Variants in ZIM2 observed in about 807,000 individuals in gnomAD.
ZIM2 encodes zinc finger imprinted 2, also known as zinc finger protein 656.
Under a neutral mutation model 38.6 loss-of-function variants are expected in ZIM2, and 14 were observed. The observed-to-expected ratio is 0.36, with a 90% CI of 0.24 to 0.57. The LOEUF (loss-of-function observed/expected upper bound fraction) is 0.57. Ranked by LOEUF, ZIM2 falls within the 20% of genes least tolerant of loss-of-function variation. ZIM2 has a pLI of 0.81. For missense variants in ZIM2, 680 were observed against 695.1 expected (o/e 0.98, Z 0.24); for synonymous variants, 247 against 245.8 (o/e 1.00, Z -0.04).
chr19:56,823,806 C>T (rs1279043945), intron 4 of ZIM2, 127 bp from the exon 5 acceptor site: 4 of 1,170,316 alleles, frequency 3.4e-6, no homozygotes, highest in Non-Finnish European at 5.0e-6. Context: ...CCTGACATTT[C>T]TGAGTTCAAA....
At chr19:56,813,896 A>C (rs1395180198) in intron 9 of ZIM2, 1 of 1,614,134 alleles carries the variant, frequency 6.2e-7, no homozygotes, top group Non-Finnish European at 8.5e-7. Flanking sequence ...GCTGTGCTGG[A>C]AGTGAAGGTT....
rs199700994 is a variant in ZIM2, at chr19:56,817,433, G to A, written c.490+313C>T. ...GACATTCTGGGGAATCTCTGTGACC[G>A]GTCGCTTGACTCCCTTGCTCTTCCC... On this transcript the variant is annotated intron_variant, in intron 9 of 12. Transcript: ENST00000629319. 144 of 1,613,972 alleles carry A rather than the reference G, an allele frequency of 8.9e-5. No homozygotes were observed. In the Middle Eastern group the frequency reaches 3.5e-3, roughly 39 times the overall value.
At chr19:56,836,948 T>C (rs1601294038) in intron 1 of ZIM2, among the ~76,000 whole-genome samples, 1 of 128,122 alleles carries the variant, frequency 7.8e-6, no homozygotes, top group East Asian at 2.4e-4. Context: ...CCAGCCTGGG[T>C]GAGAGGGCCA....
chr19:56,795,659 A>C (rs1405258997), intron 9 of ZIM2, among the ~76,000 whole-genome samples: 1 of 152,014 alleles, frequency 6.6e-6, no homozygotes, highest in Non-Finnish European at 1.5e-5. Context: ...GCGACGTAGG[A>C]GGGCGCTCCT....
At chr19:56,834,904 G>T (rs2061935495) in intron 2 of ZIM2, among the ~76,000 whole-genome samples, 1 of 152,294 alleles carries the variant, frequency 6.6e-6, no homozygotes, top group South Asian at 2.1e-4. Flanking sequence ...AGCCTGGCAT[G>T]ATCCTGTCCT....
At chr19:56,779,951 C>G (rs1181517744) in intron 11 of ZIM2, among the ~76,000 whole-genome samples, 4 of 152,214 alleles carry the variant, frequency 2.6e-5, no homozygotes, top group African/African-American at 7.2e-5. Context: ...GCTCCTCCCC[C>G]TCCCTTAGTT....
intron 2 of ZIM2, among the ~76,000 whole-genome samples, chr19:56,829,670 G>A (rs1430935916): frequency 1.3e-5 from 2 of 152,202 alleles, no homozygotes; most frequent in African/African-American, 4.8e-5. Context: ...CTTCCTGGCC[G>A]AGTGGCCCAA....
At chr19:56,816,092 AG>A in intron 9 of ZIM2, 1 of 1,605,380 alleles carries the variant, frequency 6.2e-7, no homozygotes, top group Non-Finnish European at 8.5e-7. Flanking sequence ...GCTTCCACAG[AG>A]GCTAAGCTAT....
At chr19:56,796,830 G>A (rs892233777) in intron 9 of ZIM2, among the ~76,000 whole-genome samples, 16 of 152,336 alleles carry the variant, frequency 1.1e-4, no homozygotes, top group Middle Eastern at 3.4e-3. Context: ...TGGTGAAAAA[G>A]GCAAGTTTAT....
intron 11 of ZIM2, among the ~76,000 whole-genome samples, chr19:56,779,864 T>C (rs770990836): frequency 9.2e-5 from 14 of 152,136 alleles, no homozygotes; most frequent in Non-Finnish European, 2.1e-4. Context: ...GAATCTGACA[T>C]AGCTGCTCAA....
chr19:56,782,939 T>G (rs529056149), intron 10 of ZIM2, among the ~76,000 whole-genome samples: 2 of 152,230 alleles, frequency 1.3e-5, no homozygotes, highest in East Asian at 3.9e-4. Flanking sequence ...CCTATTGTGC[T>G]ATCAATAGTA....
In ZIM2 at chr19:56,799,204, C is replaced by T. The variant is rs147274391; in HGVS notation, c.491-9253G>A. 2.3e-3 allele frequency: 345 copies of T among 152,224 alleles called. 4 individuals carry two copies. Among genetic ancestry groups the T allele is most frequent in the African/African-American group, 7.5e-3 (310 of 41,520 alleles). 9.4% of individuals were successfully genotyped at this position (152,224 alleles called of 1,614,324 possible). Reference sequence around the variant, plus strand: ...CAAAAACATGGAATCAACCTAAATGCTCATCAATGACAGACTTGATAAAGG... The same window carrying T: ...CAAAAACATGGAATCAACCTAAATGTTCATCAATGACAGACTTGATAAAGG... On this transcript the variant is annotated intron_variant, in intron 9 of 12. Coordinates refer to ENST00000629319, the MANE Select transcript of ZIM2 (RefSeq NM_001387356.1).
rs1555788995 is a variant in ZIM2, at chr19:56,790,671, T to TTCCA, written c.491-721_491-720insTGGA. Among the ~76,000 whole-genome samples the TTCCA allele has an allele frequency of 4.6e-5, 7 of 152,322 alleles. No homozygotes were observed. In the East Asian group the frequency reaches 1.3e-3, roughly 29 times the overall value. The stretch of plus-strand genomic sequence containing the variant: ...TATAATTGTTCCATTTTATAACTAG[T>TTCCA]TGTTAATATCGTACTGTGCCTAATT... On this transcript the variant is annotated intron_variant, in intron 9 of 12. Transcript: ENST00000629319.
intron 9 of ZIM2, chr19:56,812,507 G>T (rs529608384): frequency 9.6e-5 from 95 of 985,430 alleles, no homozygotes; most frequent in Non-Finnish European, 1.1e-4. Flanking sequence ...AAGATCTAAG[G>T]ATACTAGCTC....
At position 56,823,665 on chromosome 19, in the gene ZIM2, C is replaced by T; in HGVS notation, c.31G>A (p.Asp11Asn). The T allele has an allele frequency of 6.2e-7, 1 of 1,614,154 alleles. No homozygotes were observed. Residue 11 changes from aspartate to asparagine, a missense_variant, in exon 5 of 13, where the codon GAC becomes AAC. Transcript: ENST00000629319. ...GTCATGTCGTCGTCGCTGGTCACGT[C>T]ACTGTTGTTGTCGTCTAAGAGGACA... is the stretch of plus-strand genomic sequence containing the variant. MYQPEDDNNS[D>N]VTSDDDMTRN...
intron 2 of ZIM2, among the ~76,000 whole-genome samples, chr19:56,826,949 A>G (rs537850759): frequency 6.6e-6 from 1 of 152,346 alleles, no homozygotes; most frequent in Admixed American, 6.5e-5. Flanking sequence ...GGTGAAAGCT[A>G]TATATCAGAA....
Position 56,814,675 on chromosome 19 carries a change from C to G in ZIM2, c.490+3071G>C. ...AATGATAGCTTCCTCAGCCATCTGG[C>G]TCTGCTCCAGTAAATCATCTTCCCT... On this transcript the variant is annotated intron_variant, in intron 9 of 12. Coordinates refer to ENST00000629319, the MANE Select transcript of ZIM2 (RefSeq NM_001387356.1). This position sits in a 1 kb window ranked among gnomAD's most constrained non-coding sequence, Gnocchi z 5.8. 3 of 1,614,090 alleles carry G rather than the reference C, an allele frequency of 1.9e-6. No individual in the cohort carries two copies. The highest frequency in any genetic ancestry group is 1.1e-5 in the South Asian group (1 of 91,072).
chr19:56,824,601 T>A lies in ZIM2; in HGVS notation c.-150-174A>T, dbSNP rs777046189. 4.3e-6 allele frequency: 7 copies of A among 1,613,052 alleles called. No homozygotes were observed. In the Admixed American group the frequency reaches 8.3e-5, roughly 19 times the overall value. On this transcript the variant is annotated intron_variant, in intron 3 of 12. Transcript: ENST00000629319. ...AAGTCACTGTCTAGCTCATACAGATTTGGGGCCCAGGACTTCTTAGGTTTG... is the reference window on the plus strand; with the variant it reads ...AAGTCACTGTCTAGCTCATACAGATATGGGGCCCAGGACTTCTTAGGTTTG...
At chr19:56,816,970 G>A in intron 9 of ZIM2, 1 of 1,614,136 alleles carries the variant, frequency 6.2e-7, no homozygotes, top group Non-Finnish European at 8.5e-7. Flanking sequence ...TTCACTGACA[G>A]CCACACTGTG....
Sources: gnomAD v4.1 joint callset for allele counts (sites outside exome capture counted in the v4.1 genomes callset) on GRCh38, gnomAD v4.1.1 for gene constraint, Gnocchi (gnomAD v3.1) non-coding constraint, MANE v1.5 for transcripts, NCBI Gene and HGNC (gene_info 2026-07-23, HGNC 2026-07-21) for gene names.